METTL15: variants seen among roughly 807,000 people sequenced by gnomAD.
METTL15 encodes the protein 12S rRNA N(4)-cytidine methyltransferase METTL15.
In METTL15, 34 loss-of-function variants were observed where a neutral mutation model predicts 38.3. The ratio of observed to expected loss-of-function variants is 0.89; its 90% CI spans 0.68 to 1.18. METTL15 has a LOEUF of 1.18. Among genes scored for constraint, METTL15 ranks in the 50% most tolerant of loss-of-function variants. METTL15 has a pLI of 0.00. For missense variants in METTL15, 438 were observed against 498.4 expected, an observed-to-expected ratio of 0.88 and a Z score of 1.15; for synonymous variants, 162 against 170.9, an observed-to-expected ratio of 0.95 and a Z score of 0.41.
intron 3 of METTL15, among the ~76,000 whole-genome samples, chr11:28,146,173 C>A (rs921342123): frequency 3.3e-5 from 5 of 152,014 alleles, no homozygotes; most frequent in Admixed American, 6.6e-5. Context: ...TTAAAACTTT[C>A]TGGAAAGTTG....
chr11:28,429,797 A>T (rs1590371397), intron 6 of METTL15, among the ~76,000 whole-genome samples: 1 of 47,672 alleles, frequency 2.1e-5, no homozygotes, highest in East Asian at 5.7e-4. Context: ...GGAAGTGAGG[A>T]GCGTCTCTGC....
At chr11:28,109,132 T>C (rs1851610116) in intron 1 of METTL15, among the ~76,000 whole-genome samples, 1 of 152,224 alleles carries the variant, frequency 6.6e-6, no homozygotes, top group Admixed American at 6.5e-5. Context: ...CAGAGTATTA[T>C]AAATGCAACA....
chr11:28,307,835 G>T (rs1857136717), intron 6 of METTL15, among the ~76,000 whole-genome samples: 1 of 151,936 alleles, frequency 6.6e-6, no homozygotes, highest in Non-Finnish European at 1.5e-5. Context: ...TTACATAGCA[G>T]ATGTCATAGT....
At chr11:28,458,409 T>C (rs531229711) in intron 6 of METTL15, among the ~76,000 whole-genome samples, 2 of 152,338 alleles carry the variant, frequency 1.3e-5, no homozygotes, top group African/African-American at 4.8e-5. Context: ...GGGACTTAGA[T>C]ATCCATAAAA....
chr11:28,525,757 C>A (rs1195136908), intron 6 of METTL15, among the ~76,000 whole-genome samples: 1 of 152,284 alleles, frequency 6.6e-6, no homozygotes, highest in East Asian at 1.9e-4. Flanking sequence ...CGCACCGGGG[C>A]CGCAGGTGGA....
At chr11:28,497,788 G>A (rs1851548274) in intron 6 of METTL15, among the ~76,000 whole-genome samples, 2 of 152,134 alleles carry the variant, frequency 1.3e-5, no homozygotes, top group Non-Finnish European at 2.9e-5. Flanking sequence ...GCTGGATGCG[G>A]TGACTCACAC....
chr11:28,340,583 C>T (rs1352223250), intron 3 of METTL15, among the ~76,000 whole-genome samples: 1 of 152,090 alleles, frequency 6.6e-6, no homozygotes, highest in Non-Finnish European at 1.5e-5. Flanking sequence ...CCTCATCATC[C>T]CTGGTCATTA....
At chr11:28,225,603 C>T (rs1306171375) in intron 4 of METTL15, among the ~76,000 whole-genome samples, 1 of 151,140 alleles carries the variant, frequency 6.6e-6, no homozygotes, top group African/African-American at 2.4e-5. Context: ...TTCTTTTCAC[C>T]CCCTGGCTGG....
At chr11:28,292,890 A>G (rs546706592) in intron 5 of METTL15, among the ~76,000 whole-genome samples, 2 of 152,006 alleles carry the variant, frequency 1.3e-5, no homozygotes, top group Non-Finnish European at 2.9e-5. Flanking sequence ...TCCTTTGCCC[A>G]CTTGTTGAAG....
At chr11:28,457,292 T>TA (rs1456690792) in intron 6 of METTL15, among the ~76,000 whole-genome samples, 2 of 152,242 alleles carry the variant, frequency 1.3e-5, no homozygotes, top group Non-Finnish European at 2.9e-5. Context: ...ATTTCATCCT[T>TA]ATGTTTGTCT....
At chr11:28,279,719 T>C (rs1429869106) in intron 4 of METTL15, among the ~76,000 whole-genome samples, 2 of 152,000 alleles carry the variant, frequency 1.3e-5, no homozygotes, top group African/African-American at 4.8e-5. Flanking sequence ...GCCAACATGG[T>C]GAAACCCCGT....
chr11:28,165,311 G>A (rs910098882), intron 3 of METTL15, among the ~76,000 whole-genome samples: 2 of 151,978 alleles, frequency 1.3e-5, no homozygotes, highest in Non-Finnish European at 2.9e-5. Flanking sequence ...CAAAGGGCAA[G>A]GATTATTATT....
chr11:28,360,742 T>C (rs889349909), intron 4 of METTL15, among the ~76,000 whole-genome samples: 1 of 151,848 alleles, frequency 6.6e-6, no homozygotes, highest in African/African-American at 2.4e-5. Context: ...TGTGCCATGC[T>C]GGTGTGCTGC....
chr11:28,313,453 A>G (rs1041585438), intron 6 of METTL15, among the ~76,000 whole-genome samples: 1 of 151,988 alleles, frequency 6.6e-6, no homozygotes, highest in South Asian at 2.1e-4. Flanking sequence ...TTTATGATTC[A>G]GTAATTAAAA....
At chr11:28,487,012 A>G (rs968397630) in intron 6 of METTL15, among the ~76,000 whole-genome samples, 1 of 152,198 alleles carries the variant, frequency 6.6e-6, no homozygotes, top group African/African-American at 2.4e-5. Context: ...AGAAAAAAAA[A>G]TACAGTGCCA....
chr11:28,247,237 A>G (rs1854549324), intron 4 of METTL15, among the ~76,000 whole-genome samples: 1 of 152,132 alleles, frequency 6.6e-6, no homozygotes, highest in Non-Finnish European at 1.5e-5. Context: ...AAATATGTCC[A>G]TCGTGGTATA....
chr11:28,371,589 T>G (rs889937405), intron 5 of METTL15, among the ~76,000 whole-genome samples: 1 of 152,004 alleles, frequency 6.6e-6, no homozygotes, highest in Non-Finnish European at 1.5e-5. Flanking sequence ...TTGAAAGATA[T>G]TGCATTGAAT....
chr11:28,112,134 T>A (rs1412592538), intron 2 of METTL15, among the ~76,000 whole-genome samples: 2 of 152,234 alleles, frequency 1.3e-5, no homozygotes, highest in South Asian at 2.1e-4. Context: ...TAATTTTTTT[T>A]ATTGCAAAAG....
chr11:28,371,650 G>A (rs984504115), intron 5 of METTL15, among the ~76,000 whole-genome samples: 2 of 151,750 alleles, frequency 1.3e-5, no homozygotes, highest in East Asian at 1.9e-4. Context: ...CCATTTTATT[G>A]TGTCTTCCTC....
Sources: gnomAD v4.1 joint callset for allele counts (sites outside exome capture counted in the v4.1 genomes callset) on GRCh38, gnomAD v4.1.1 for gene constraint, MANE v1.5 for transcripts, NCBI Gene and HGNC (gene_info 2026-07-23, HGNC 2026-07-21) for gene names.